The following CPS1 variants were observed in gnomAD, a reference collection of about 807,000 sequenced individuals.
CPS1 encodes carbamoyl-phosphate synthase [ammonia], mitochondrial.
CPS1 carries 109 observed loss-of-function variants against 174.6 expected under a neutral mutation model. The observed-to-expected ratio is 0.62, with a 90% CI of 0.53 to 0.73. CPS1 has a LOEUF of 0.73. Ranked by LOEUF, CPS1 falls within the 30% of genes least tolerant of loss-of-function variation. The pLI is 0.00. For synonymous variants in CPS1, 637 were observed against 632.0 expected (o/e 1.01, Z -0.12); for missense variants, 1,689 against 1,821.9 (o/e 0.93, Z 1.33).
At chr2:210,587,674 A>G (rs1267186156) in intron 6 of CPS1, among the ~76,000 whole-genome samples, 1 of 152,088 alleles carries the variant, frequency 6.6e-6, no homozygotes, top group Non-Finnish European at 1.5e-5. Flanking sequence ...TATTTAAAGC[A>G]TGATGTATCT....
intron 24 of CPS1, among the ~76,000 whole-genome samples, chr2:210,641,091 A>G (rs972064307): frequency 3.3e-5 from 5 of 152,218 alleles, no homozygotes; most frequent in Admixed American, 2.6e-4. Flanking sequence ...GCACAACAGC[A>G]CAAAGGGAAC....
intron 1 of CPS1, among the ~76,000 whole-genome samples, chr2:210,484,976 C>T (rs1294282254): frequency 6.6e-6 from 1 of 152,032 alleles, no homozygotes; most frequent in Non-Finnish European, 1.5e-5. Context: ...CGCCTGTAAT[C>T]CCAGCACTTT....
In CPS1 at chr2:210,660,540, T is replaced by A; in HGVS notation, c.3812T>A (p.Leu1271His). 6.2e-7 allele frequency: 1 copy of A among 1,614,162 alleles called. No homozygotes were observed. Among genetic ancestry groups the A allele is most frequent in the African/African-American group, 1.3e-5 (1 of 75,070 alleles). Residue 1271 changes from leucine to histidine, a missense_variant, in exon 32 of 38, where the codon CTT (leucine) becomes CAT (histidine). Transcript: ENST00000233072. ...SRSFPFVSKT[L>H]GVDFIDVATK... ...TCCTTCCCCTTTGTTTCCAAGACTC[T>A]TGGGGTTGACTTCATTGATGTGGCC...
intron 19 of CPS1, among the ~76,000 whole-genome samples, chr2:210,608,940 A>G (rs965428281): frequency 6.6e-6 from 1 of 151,956 alleles, no homozygotes; most frequent in South Asian, 2.1e-4. Flanking sequence ...CAAAAAGACC[A>G]CTGAACTGAG....
intron 1 of CPS1, among the ~76,000 whole-genome samples, chr2:210,480,801 A>G (rs1694548267): frequency 6.6e-6 from 1 of 152,184 alleles, no homozygotes. Context: ...GTGTAAAGCA[A>G]GAGCATCTAA....
intron 1 of CPS1, among the ~76,000 whole-genome samples, chr2:210,548,974 T>A (rs1363820099): frequency 1.3e-5 from 2 of 152,050 alleles, no homozygotes; most frequent in Non-Finnish European, 2.9e-5. Context: ...AGGTTCAGTA[T>A]AACAAATTTT....
chr2:210,639,665 T>G (rs1700152928), intron 23 of CPS1, among the ~76,000 whole-genome samples: 1 of 147,600 alleles, frequency 6.8e-6, no homozygotes, highest in South Asian at 2.1e-4. Flanking sequence ...GTGTCAGGTA[T>G]GATGATATGT....
At position 210,574,612 on chromosome 2, in the gene CPS1, A is replaced by G. The variant is rs149873735; in HGVS notation, c.236+1205A>G. On this transcript the variant is annotated intron_variant, in intron 2 of 37. Transcript: ENST00000233072. ...TACTAGCTGTGTTAATATACCTGCCAACAAACAACTGTTTAATATAGATCA... is the reference window on the plus strand; with the variant it reads ...TACTAGCTGTGTTAATATACCTGCCGACAAACAACTGTTTAATATAGATCA... 1.7e-3 allele frequency among the ~76,000 whole-genome samples: 252 copies of G among 152,242 alleles called. 1 individual carries two copies. Among genetic ancestry groups the G allele is most frequent in the African/African-American group, 6.0e-3 (250 of 41,578 alleles).
At chr2:210,542,955 A>G (rs1696470960) in intron 1 of CPS1, among the ~76,000 whole-genome samples, 1 of 152,130 alleles carries the variant, frequency 6.6e-6, no homozygotes, top group South Asian at 2.1e-4. Context: ...CTGGACCACA[A>G]GCAACATGGC....
intron 21 of CPS1, among the ~76,000 whole-genome samples, chr2:210,627,427 G>A (rs1009423443): frequency 1.2e-4 from 18 of 152,186 alleles, no homozygotes; most frequent in African/African-American, 3.6e-4. Context: ...ACTCTTGAGC[G>A]TAGAATGGAA....
intron 32 of CPS1, among the ~76,000 whole-genome samples, chr2:210,661,883 A>G (rs1164876748): frequency 6.6e-6 from 1 of 151,364 alleles, no homozygotes; most frequent in Non-Finnish European, 1.5e-5. Flanking sequence ...AACTAAAAAT[A>G]ATATTGATGG....
intron 21 of CPS1, among the ~76,000 whole-genome samples, chr2:210,630,000 G>A (rs1199079900): frequency 6.6e-6 from 1 of 151,736 alleles, no homozygotes; most frequent in Non-Finnish European, 1.5e-5. Flanking sequence ...GTGAACCTGG[G>A]AGGCGGAGTT....
chr2:210,546,671 T>G (rs1696573054), intron 1 of CPS1, among the ~76,000 whole-genome samples: 2 of 152,252 alleles, frequency 1.3e-5, no homozygotes, highest in South Asian at 4.1e-4. Context: ...GCAGTCTATT[T>G]CAATTAATTA....
chr2:210,638,079 TTTC>T (rs1700093210), intron 22 of CPS1, among the ~76,000 whole-genome samples: 1 of 152,198 alleles, frequency 6.6e-6, no homozygotes, highest in Non-Finnish European at 1.5e-5. Flanking sequence ...AGTACCTGAT[TTTC>T]TTGGCCTAAC....
intron 20 of CPS1, among the ~76,000 whole-genome samples, chr2:210,615,047 G>T (rs779304444): frequency 7.3e-5 from 11 of 151,532 alleles, no homozygotes; most frequent in Non-Finnish European, 1.2e-4. Flanking sequence ...ATATATAAAA[G>T]AAAGAAATCA....
upstream of CPS1, chr2:210,555,615 G>T: frequency 2.2e-6 from 1 of 455,446 alleles, no homozygotes; most frequent in Non-Finnish European, 4.4e-6. Context: ...CAATCTTTAT[G>T]TCATTTTCTG....
At chr2:210,501,156 G>A (rs899184662) in intron 1 of CPS1, among the ~76,000 whole-genome samples, 17 of 152,028 alleles carry the variant, frequency 1.1e-4, no homozygotes, top group Admixed American at 7.2e-4. Flanking sequence ...TGCACACATC[G>A]GGGGGCCCTG....
intron 1 of CPS1, among the ~76,000 whole-genome samples, chr2:210,505,457 C>T (rs1045449185): frequency 7.9e-5 from 12 of 152,076 alleles, no homozygotes; most frequent in African/African-American, 1.9e-4. Context: ...CTGCTCCCGG[C>T]GTGAGCGACA....
intron 19 of CPS1, among the ~76,000 whole-genome samples, chr2:210,609,347 A>G (rs1193416739): frequency 1.3e-5 from 2 of 151,924 alleles, no homozygotes; most frequent in Admixed American, 6.6e-5. Context: ...GGGATAGTGG[A>G]GAAAACATGA....
Sources: allele counts gnomAD v4.1 joint callset (sites outside exome capture counted in the v4.1 genomes callset), GRCh38; gene constraint gnomAD v4.1.1; transcripts MANE v1.5; gene names NCBI Gene and HGNC (gene_info 2026-07-23, HGNC 2026-07-21).